Variants in PCDHA8 observed in about 807,000 individuals in gnomAD.
PCDHA8 encodes protocadherin alpha 8.
PCDHA8 carries 53 observed loss-of-function variants against 61.8 expected under a neutral mutation model. The ratio of observed to expected loss-of-function variants is 0.86; its 90% confidence interval spans 0.69 to 1.08. The LOEUF (loss-of-function observed/expected upper bound fraction) is 1.08. Among genes scored for constraint, PCDHA8 ranks in the 50% least tolerant of loss-of-function variants. PCDHA8 has a pLI of 0.00. For synonymous variants in PCDHA8, 618 were observed against 556.6 expected (o/e 1.11, Z -1.55); for missense variants, 1,293 against 1,245.0 (o/e 1.04, Z -0.58).
rs2150474836 is a variant in PCDHA8 at position 140,850,234 on chromosome 5, T to C, written c.2394+6519T>C. ...GGCACTGACGGCGCAGTGAGCGAGA[T>C]GGTGCTGCGGTCGGTGGGCGCCGGC... On this transcript the variant is annotated intron_variant, in intron 1 of 3. Transcript: ENST00000531613. The C allele has an allele frequency of 3.1e-6, 5 of 1,593,808 alleles. 1 individual carries two copies. The highest frequency in any genetic ancestry group is 4.3e-6 in the Non-Finnish European group (5 of 1,167,454).
At chr5:140,940,508 G>A (rs1171264265) in intron 1 of PCDHA8, among the ~76,000 whole-genome samples, 2 of 151,902 alleles carry the variant, frequency 1.3e-5, no homozygotes, top group African/African-American at 4.8e-5. Context: ...CGTCGCTCAG[G>A]CGTGATCATA....
intron 1 of PCDHA8, among the ~76,000 whole-genome samples, chr5:140,907,806 A>G (rs1046843294): frequency 2.6e-5 from 4 of 152,192 alleles, no homozygotes; most frequent in Non-Finnish European, 5.9e-5. Flanking sequence ...AGTGGTGTCC[A>G]CAGAACGAGT....
intron 1 of PCDHA8, chr5:140,883,262 G>A (rs1211665444): frequency 6.2e-7 from 1 of 1,613,838 alleles, no homozygotes; most frequent in Non-Finnish European, 8.5e-7. Context: ...TCCAATGGCG[G>A]GTCATTGTAC....
At chr5:140,878,371 G>A (rs543191231) in intron 1 of PCDHA8, among the ~76,000 whole-genome samples, 53 of 152,276 alleles carry the variant, frequency 3.5e-4, no homozygotes, top group Non-Finnish European at 6.5e-4. Flanking sequence ...TCTGACATAT[G>A]ATGAATGATT....
At chr5:140,845,700 G>T (rs994276971) in intron 1 of PCDHA8, among the ~76,000 whole-genome samples, 1 of 149,282 alleles carries the variant, frequency 6.7e-6, no homozygotes, top group African/African-American at 2.5e-5. Context: ...CAGTTCCTTG[G>T]CATTATATGT....
At chr5:140,875,543 G>A in intron 1 of PCDHA8, 1 of 1,614,164 alleles carries the variant, frequency 6.2e-7, no homozygotes, top group Non-Finnish European at 8.5e-7. Flanking sequence ...CTTGCAGCCT[G>A]GGAGGTGGGG....
Position 140,913,960 on chromosome 5 carries a change from T to TA in PCDHA8, c.2395-64982dup, listed in dbSNP as rs201352444. 7.9e-3 allele frequency among the ~76,000 whole-genome samples: 1,207 copies of TA among 152,282 alleles called. 5 individuals are homozygous for TA. Among genetic ancestry groups the TA allele is most frequent in the African/African-American group, 0.019 (780 of 41,560 alleles). ...AAGAATCTTGATATGATATCATTTT[T>TA]AAAAAAATATTTTAGGACTTGTATT... On this transcript the variant is annotated intron_variant, in intron 1 of 3. Transcript: ENST00000531613.
intron 1 of PCDHA8, chr5:140,927,510 G>A: frequency 1.9e-6 from 3 of 1,614,090 alleles, no homozygotes; most frequent in Non-Finnish European, 2.5e-6. Flanking sequence ...TTACAGCTCG[G>A]GACGGCGGGC....
chr5:140,856,542 CA>C (rs2044078032), intron 1 of PCDHA8: 1 of 1,598,136 alleles, frequency 6.3e-7, no homozygotes, highest in Admixed American at 1.7e-5. Context: ...GGAGAGAACG[CA>C]TTGCTTACTT....
chr5:141,002,146 CT>C (rs2098061512), intron 3 of PCDHA8, among the ~76,000 whole-genome samples: 1 of 152,250 alleles, frequency 6.6e-6, no homozygotes, highest in Admixed American at 6.5e-5. Flanking sequence ...GCTGCACTGA[CT>C]TAGCAGAGTG....
At chr5:140,984,408 T>G (rs1394037702) in intron 3 of PCDHA8, among the ~76,000 whole-genome samples, 2 of 152,200 alleles carry the variant, frequency 1.3e-5, no homozygotes, top group African/African-American at 2.4e-5. Flanking sequence ...AACCTATCTT[T>G]TTTACAGAGA....
intron 1 of PCDHA8, chr5:140,875,685 C>T (rs563250653): frequency 6.2e-7 from 1 of 1,613,934 alleles, no homozygotes; most frequent in South Asian, 1.1e-5. Flanking sequence ...CCAAAAGACA[C>T]GGGGACCTTC....
chr5:140,884,308 G>T, intron 1 of PCDHA8: 1 of 1,613,766 alleles, frequency 6.2e-7, no homozygotes. Flanking sequence ...AGGCTTCGTC[G>T]AGGGCGTCGG....
At chr5:140,998,118 G>A (rs545818682) in intron 3 of PCDHA8, among the ~76,000 whole-genome samples, 5 of 152,282 alleles carry the variant, frequency 3.3e-5, no homozygotes, top group Admixed American at 1.3e-4. Flanking sequence ...AAATTTACTT[G>A]TGAATCATAA....
At chr5:140,871,783 G>C (rs1460496699) in intron 1 of PCDHA8, among the ~76,000 whole-genome samples, 3 of 152,196 alleles carry the variant, frequency 2.0e-5, no homozygotes, top group African/African-American at 7.2e-5. Flanking sequence ...GTAGTCACTT[G>C]AGTAGAAATA....
intron 1 of PCDHA8, among the ~76,000 whole-genome samples, chr5:140,959,621 A>G (rs1198133284): frequency 6.6e-6 from 1 of 152,152 alleles, no homozygotes; most frequent in African/African-American, 2.4e-5. Flanking sequence ...CTTGTGATAG[A>G]AAAAAAGAGA....
chr5:140,883,905 G>A (rs781818160), intron 1 of PCDHA8: 2 of 1,613,458 alleles, frequency 1.2e-6, no homozygotes, highest in Non-Finnish European at 1.7e-6. Flanking sequence ...CCGCCTCTGG[G>A]CAGCAACGTG....
At chr5:140,940,110 T>C (rs2092554073) in intron 1 of PCDHA8, among the ~76,000 whole-genome samples, 1 of 152,240 alleles carries the variant, frequency 6.6e-6, no homozygotes, top group Admixed American at 6.5e-5. Context: ...CGTTATGTAT[T>C]ATTTACCTCT....
At chr5:140,903,625 A>T (rs2153481028) in intron 1 of PCDHA8, among the ~76,000 whole-genome samples, 1 of 152,362 alleles carries the variant, frequency 6.6e-6, no homozygotes, top group East Asian at 1.9e-4. Context: ...GTGCATGCAT[A>T]TGTATGCATA....
Sources: allele counts gnomAD v4.1 joint callset (sites outside exome capture counted in the v4.1 genomes callset), GRCh38; gene constraint gnomAD v4.1.1; transcripts MANE v1.5; gene names NCBI Gene and HGNC (gene_info 2026-07-23, HGNC 2026-07-21).